Variants in PP2D1 observed in about 807,000 individuals in gnomAD.
The protein encoded by PP2D1 is protein phosphatase 2C-like domain-containing protein 1.
Under a neutral mutation model 30.2 loss-of-function variants are expected in PP2D1, and 25 were observed. That is an observed-to-expected ratio of 0.83 (90% CI 0.60 to 1.16). The LOEUF is 1.16. Among genes scored for constraint, PP2D1 ranks in the 50% most tolerant of loss-of-function variants. PP2D1 has a pLI of 0.00. For missense variants in PP2D1, 760 were observed against 742.4 expected (o/e 1.02, Z -0.28); for synonymous variants, 260 against 258.9 (o/e 1.00, Z -0.04).
intron 1 of PP2D1, among the ~76,000 whole-genome samples, chr3:20,009,273 G>A (rs1255612722): frequency 6.6e-6 from 1 of 152,016 alleles, no homozygotes; most frequent in Non-Finnish European, 1.5e-5. Context: ...ACCAGCCTGG[G>A]CAACATAGTG....
chr3:20,007,003 ACG>A (rs760740801), intron 1 of PP2D1, among the ~76,000 whole-genome samples: 1 of 105,088 alleles, frequency 9.5e-6, no homozygotes, highest in Non-Finnish European at 2.1e-5. Context: ...ACACACACAC[ACG>A]TATACACACA....
At chr3:19,981,034 A>G (rs766705792), downstream of PP2D1, among the ~76,000 whole-genome samples, 16 of 152,240 alleles carry the variant, frequency 1.1e-4, no homozygotes, top group Non-Finnish European at 1.8e-4. Context: ...TGGTAAAGTT[A>G]GAGTCTTACC....
At chr3:19,980,731 CT>C (rs1198340134), downstream of PP2D1, among the ~76,000 whole-genome samples, 1 of 152,094 alleles carries the variant, frequency 6.6e-6, no homozygotes, top group African/African-American at 2.4e-5. Flanking sequence ...ATTTCTGGGG[CT>C]TTGCTTGTAA....
downstream of PP2D1, among the ~76,000 whole-genome samples, chr3:19,981,435 G>GAA (rs554861426): frequency 2.8e-4 from 42 of 152,096 alleles, no homozygotes; most frequent in African/African-American, 1.0e-3. Flanking sequence ...CCAACATGTC[G>GAA]AAACCCCGTC....
intron 2 of PP2D1, among the ~76,000 whole-genome samples, chr3:19,990,580 TGGAA>T (rs1471570329): frequency 6.6e-6 from 1 of 152,140 alleles, no homozygotes; most frequent in East Asian, 1.9e-4. Flanking sequence ...AGACTACTAA[TGGAA>T]CGAACTAAAA....
At chr3:19,984,510 T>C (rs1696995311), downstream of PP2D1, 1 of 191,114 alleles carries the variant, frequency 5.2e-6, no homozygotes, top group Non-Finnish European at 1.1e-5. Flanking sequence ...TCAGTGTTCC[T>C]TTCAAACATG....
intron 1 of PP2D1, among the ~76,000 whole-genome samples, chr3:20,002,727 C>G (rs551704236): frequency 1.1e-4 from 16 of 152,094 alleles, no homozygotes; most frequent in Non-Finnish European, 2.1e-4. Context: ...CAAGACCAGC[C>G]TGGCCAACAT....
In PP2D1 at chr3:19,985,427, C is replaced by A; in HGVS notation, c.1846G>T (p.Val616Phe). ...CTTCCATTGAGAAATATTACCATAA[C>A]TGTAATGTTGTCTCTGGAGCCAGCC... ...LLAGSRDNITVMVIFLNGSEY... is the reference protein window; with the variant it reads ...LLAGSRDNITFMVIFLNGSEY... Residue 616 changes from valine (V) to phenylalanine (F), a missense_variant, in exon 3 of 3, where the codon GTT (valine) becomes TTT (phenylalanine). Val to Phe is a conservative substitution (Grantham distance 50, BLOSUM62 -1). Transcript: ENST00000389050. The A allele has an allele frequency of 2.0e-6, 3 of 1,535,934 alleles. No homozygotes were observed. Among genetic ancestry groups the A allele is most frequent in the Non-Finnish European group, 2.6e-6 (3 of 1,146,794 alleles).
Position 20,001,373 on chromosome 3 carries a change from A to G in PP2D1, c.747T>C (p.Asn249=). 5 of 1,536,496 alleles carry G rather than the reference A, an allele frequency of 3.3e-6. No homozygotes were observed. Among genetic ancestry groups the G allele is most frequent in the Non-Finnish European group, 4.4e-6 (5 of 1,146,962 alleles). Residue 249 remains asparagine, a synonymous_variant, in exon 2 of 3, where the codon AAT becomes AAC. Transcript: ENST00000389050. ...QMTTDEQQII[N]SFYTVFREEY... is the part of the protein sequence containing the mutation. ...CTTCTCTAAACACAGTGTAAAAGGA[A>G]TTGATTATTTGTTGCTCATCAGTTG...
At chr3:20,000,966 A>G in intron 2 of PP2D1, 64 bp downstream of exon 2, 1 of 880,224 alleles carries the variant, frequency 1.1e-6, no homozygotes, top group Non-Finnish European at 1.5e-6. Flanking sequence ...TGGAAGCATG[A>G]GGGGTTTTGC....
intron 2 of PP2D1, among the ~76,000 whole-genome samples, chr3:19,988,289 AAG>A (rs1289077496): frequency 1.3e-5 from 2 of 152,212 alleles, no homozygotes; most frequent in African/African-American, 4.8e-5. Context: ...AGCCCTGAGA[AAG>A]AGAATGCATT....
In PP2D1 at chr3:20,001,422, T is replaced by A; in HGVS notation, c.698A>T (p.Lys233Ile). The A allele has an allele frequency of 6.5e-7, 1 of 1,536,616 alleles. No homozygotes were observed. Among genetic ancestry groups the A allele is most frequent in the Non-Finnish European group, 8.7e-7 (1 of 1,147,010 alleles). Residue 233 changes from lysine to isoleucine, a missense_variant, in exon 2 of 3, where the codon AAA (lysine) becomes ATA (isoleucine). By Grantham distance (102) the Lys-to-Ile change is moderately radical. This residue lies in a region of PP2D1 where 374 missense variants were observed against 388.8 expected (regional missense o/e 0.96). Coordinates refer to ENST00000389050, the MANE Select transcript of PP2D1 (RefSeq NM_001252657.2). Reference protein sequence around the residue: ...LPVLLLHQLSKFDPSYQMTTD... With the variant: ...LPVLLLHQLSIFDPSYQMTTD... ...TGTCATTTGGTAAGAAGGATCAAAT[T>A]TGGAAAGCTGATGGAGAAGTAAAAC...
chr3:20,005,584 C>T lies in PP2D1; in HGVS notation c.24-3488G>A, dbSNP rs564310986. Among the ~76,000 whole-genome samples the T allele has an allele frequency of 8.9e-4, 136 of 152,200 alleles. 1 individual carries two copies. Among genetic ancestry groups the T allele is most frequent in the Admixed American group, 1.9e-3 (29 of 15,276 alleles). ...GATGGAGCCTACGACACTAAGAATA[C>T]TTGGAGCCTCTAAGTACTTAAAACA... On this transcript the variant is annotated intron_variant, in intron 1 of 2. Transcript: ENST00000389050.
chr3:19,981,705 C>A (rs188001364), downstream of PP2D1, among the ~76,000 whole-genome samples: 19 of 152,072 alleles, frequency 1.2e-4, no homozygotes, highest in Non-Finnish European at 4.4e-5. Context: ...ATCTGTATAT[C>A]CAGCAGGTAA....
intron 1 of PP2D1, among the ~76,000 whole-genome samples, chr3:20,004,886 C>G (rs373627989): frequency 6.6e-6 from 1 of 152,098 alleles, no homozygotes; most frequent in East Asian, 1.9e-4. Context: ...GCAGGGAGAT[C>G]ACTTGAGGCC....
At chr3:19,991,202 A>C (rs989587936) in intron 2 of PP2D1, among the ~76,000 whole-genome samples, 1 of 152,190 alleles carries the variant, frequency 6.6e-6, no homozygotes, top group African/African-American at 2.4e-5. Flanking sequence ...AAGCCTTTTT[A>C]AAGTGGCATA....
chr3:19,999,081 C>CTTTTTT (rs63201460), intron 2 of PP2D1, among the ~76,000 whole-genome samples: 1 of 135,218 alleles, frequency 7.4e-6, no homozygotes, highest in Non-Finnish European at 1.6e-5. Context: ...TGTGTCTAGA[C>CTTTTTT]TTTTTTTTTT....
At chr3:19,988,869 C>T (rs1697078400) in intron 2 of PP2D1, among the ~76,000 whole-genome samples, 1 of 152,142 alleles carries the variant, frequency 6.6e-6, no homozygotes, top group African/African-American at 2.4e-5. Flanking sequence ...ACCTGTAATC[C>T]CAGTTACTTG....
chr3:19,998,299 C>T (rs921169343), intron 2 of PP2D1, among the ~76,000 whole-genome samples: 3 of 151,542 alleles, frequency 2.0e-5, no homozygotes, highest in African/African-American at 7.3e-5. Context: ...CACTGCACTC[C>T]AGCCTAGGCA....
Sources: gnomAD v4.1 joint callset for allele counts (sites outside exome capture counted in the v4.1 genomes callset) on GRCh38, gnomAD v4.1.1 for gene constraint, gnomAD v4.1.1 regional missense constraint, MANE v1.5 for transcripts, NCBI Gene and HGNC (gene_info 2026-07-23, HGNC 2026-07-21) for gene names.